The following MAGI1 variants were observed in gnomAD, a reference collection of about 807,000 sequenced individuals.
MAGI1 encodes membrane associated guanylate kinase, WW and PDZ domain containing 1, also known as membrane-associated guanylate kinase, WW and PDZ domain-containing protein 1.
Under a neutral mutation model 139.9 loss-of-function variants are expected in MAGI1, and 58 were observed. That is an observed-to-expected ratio of 0.41 (90% CI 0.34 to 0.52). The LOEUF is 0.52. Ranked by LOEUF, MAGI1 falls within the 20% of genes least tolerant of loss-of-function variation. The pLI is 0.12. For synonymous variants in MAGI1, 812 were observed against 737.9 expected (o/e 1.10, Z -1.63); for missense variants, 1,874 against 1,901.6 (o/e 0.99, Z 0.27).
chr3:65,684,295 T>C (rs1416808859), intron 1 of MAGI1, among the ~76,000 whole-genome samples: 1 of 152,054 alleles, frequency 6.6e-6, no homozygotes, highest in African/African-American at 2.4e-5. Context: ...ACCACCAGTA[T>C]GCCAGCATTC....
chr3:65,472,816 A>G (rs1172853361), intron 4 of MAGI1, among the ~76,000 whole-genome samples: 2 of 152,236 alleles, frequency 1.3e-5, no homozygotes, highest in African/African-American at 4.8e-5. Flanking sequence ...TGATTTTTCA[A>G]GACAAGTTGG....
At chr3:65,558,024 G>A (rs575190513) in intron 2 of MAGI1, among the ~76,000 whole-genome samples, 2 of 152,178 alleles carry the variant, frequency 1.3e-5, no homozygotes, top group East Asian at 1.9e-4. Context: ...AATAAAATAG[G>A]ATCTGATCCA....
intron 3 of MAGI1, among the ~76,000 whole-genome samples, chr3:65,487,104 C>G (rs138329600): frequency 6.6e-6 from 1 of 152,304 alleles, no homozygotes; most frequent in African/African-American, 2.4e-5. Flanking sequence ...AAATGCAAGA[C>G]AGGGTGTTCC....
At chr3:65,788,624 T>C (rs764922728) in intron 1 of MAGI1, among the ~76,000 whole-genome samples, 107 of 152,222 alleles carry the variant, frequency 7.0e-4, no homozygotes, top group Non-Finnish European at 2.2e-4. Context: ...TAAAATCATC[T>C]CTACGGTAGC....
chr3:65,845,427 A>G (rs1285532716), intron 1 of MAGI1, among the ~76,000 whole-genome samples: 1 of 152,180 alleles, frequency 6.6e-6, no homozygotes, highest in Non-Finnish European at 1.5e-5. Context: ...TCTTTATCCA[A>G]AAATGAGCAT....
chr3:65,386,667 C>T (rs546282634), intron 14 of MAGI1, among the ~76,000 whole-genome samples: 15 of 152,262 alleles, frequency 9.9e-5, no homozygotes, highest in Admixed American at 3.9e-4. Context: ...AGTTTTTAGG[C>T]GGCAGTAAGG....
At chr3:65,674,681 A>C (rs2107481880) in intron 1 of MAGI1, among the ~76,000 whole-genome samples, 1 of 151,544 alleles carries the variant, frequency 6.6e-6, no homozygotes, top group African/African-American at 2.4e-5. Context: ...CAGTATTCCC[A>C]CTCCTGCTGG....
At chr3:65,759,205 C>G (rs1171958530) in intron 1 of MAGI1, among the ~76,000 whole-genome samples, 2 of 151,646 alleles carry the variant, frequency 1.3e-5, no homozygotes. Context: ...TTGTTCTTCT[C>G]AATACATGAT....
intron 1 of MAGI1, among the ~76,000 whole-genome samples, chr3:65,985,614 CT>C (rs2065841084): frequency 6.6e-6 from 1 of 152,100 alleles, no homozygotes; most frequent in Non-Finnish European, 1.5e-5. Flanking sequence ...TTTTTTTCCC[CT>C]GGTACTTTGA....
chr3:65,460,039 T>C (rs574368165), intron 5 of MAGI1, among the ~76,000 whole-genome samples: 4 of 152,354 alleles, frequency 2.6e-5, no homozygotes, highest in East Asian at 1.9e-4. Context: ...ACGTTGGTCA[T>C]TGGTTTTCTG....
intron 1 of MAGI1, among the ~76,000 whole-genome samples, chr3:66,034,912 TAACTG>T (rs1421797019): frequency 2.6e-5 from 4 of 151,964 alleles, no homozygotes; most frequent in African/African-American, 7.3e-5. Flanking sequence ...AGGGGGGAAT[TAACTG>T]GACAGGAACA....
Position 65,470,502 on chromosome 3 carries a change from G to T in MAGI1, c.758-18C>A. The T allele has an allele frequency of 6.5e-7, 1 of 1,536,406 alleles. No homozygotes were observed. The highest frequency in any genetic ancestry group is 8.9e-7 in the Non-Finnish European group (1 of 1,125,108). ...AGAATCGGCTGCTTAATCATGTGAA[G>T]AGGTGAGAGAGAGAGAGAGAGAAAA... On this transcript the variant is annotated intron_variant, in intron 4 of 22. Transcript: ENST00000402939.
rs1276854778 is a variant in MAGI1, at chr3:65,762,446, T to C, written c.314-140358A>G. On this transcript the variant is annotated intron_variant, in intron 1 of 22. Coordinates refer to ENST00000402939, the MANE Select transcript of MAGI1 (RefSeq NM_001033057.2). ...AGGTGGACAAGTGAAGTACAAAGAATGGGAAGGCGGAAAAAAAAAACAGGA... is the reference window on the plus strand; with the variant it reads ...AGGTGGACAAGTGAAGTACAAAGAACGGGAAGGCGGAAAAAAAAAACAGGA... Among the ~76,000 whole-genome samples the C allele has an allele frequency of 2.0e-5, 3 of 150,734 alleles. No individual in the cohort carries two copies. In the East Asian group the frequency reaches 5.8e-4, roughly 29 times the overall value.
At chr3:65,779,298 C>A (rs913444854) in intron 1 of MAGI1, among the ~76,000 whole-genome samples, 1 of 152,168 alleles carries the variant, frequency 6.6e-6, no homozygotes, top group African/African-American at 2.4e-5. Context: ...TGTAAATGTG[C>A]ACAAATAGAA....
chr3:65,813,589 G>A (rs1243021899), intron 1 of MAGI1, among the ~76,000 whole-genome samples: 1 of 152,112 alleles, frequency 6.6e-6, no homozygotes, highest in Non-Finnish European at 1.5e-5. Flanking sequence ...TAAGTAACTT[G>A]TTTCAACCTT....
chr3:65,531,857 G>C (rs535209970), intron 2 of MAGI1, among the ~76,000 whole-genome samples: 4 of 152,302 alleles, frequency 2.6e-5, no homozygotes, highest in African/African-American at 9.6e-5. Flanking sequence ...AAAAGAGTGA[G>C]TTAATACACT....
At chr3:65,717,356 C>A (rs1475171701) in intron 1 of MAGI1, 2 of 152,136 alleles carry the variant, frequency 1.3e-5, no homozygotes, top group Non-Finnish European at 2.9e-5. Context: ...TTACTGGCAC[C>A]CAGTAGGTAG....
chr3:65,988,713 C>T (rs779788024), intron 1 of MAGI1, among the ~76,000 whole-genome samples: 1 of 152,076 alleles, frequency 6.6e-6, no homozygotes, highest in Non-Finnish European at 1.5e-5. Flanking sequence ...AATCAACAGT[C>T]CAAGAGCAAA....
chr3:65,442,772 G>A lies in MAGI1; in HGVS notation c.1136+20C>T, dbSNP rs779985688. The stretch of plus-strand genomic sequence containing the variant: ...ATAGAGAGGTATAAACTAATGTGTG[G>A]ATTGTGAATGGGCACTTACTCTACA... On this transcript the variant is annotated intron_variant, in intron 8 of 22. Coordinates refer to ENST00000402939, the MANE Select transcript of MAGI1 (RefSeq NM_001033057.2). 4.4e-6 allele frequency: 7 copies of A among 1,594,730 alleles called. No homozygotes were observed. Among genetic ancestry groups the A allele is most frequent in the Middle Eastern group, 1.7e-4 (1 of 6,012 alleles).
Sources: allele counts gnomAD v4.1 joint callset (sites outside exome capture counted in the v4.1 genomes callset), GRCh38; gene constraint gnomAD v4.1.1; transcripts MANE v1.5; gene names NCBI Gene and HGNC (gene_info 2026-07-23, HGNC 2026-07-21).